The following PPP1R14A variants were observed in gnomAD, a reference collection of about 807,000 sequenced individuals.
The protein encoded by PPP1R14A is protein phosphatase 1 regulatory inhibitor subunit 14A.
In PPP1R14A, 9 loss-of-function variants were observed where a neutral mutation model predicts 14.1. The observed-to-expected ratio is 0.64, with a 90% confidence interval of 0.38 to 1.11. The LOEUF is 1.11. Ranked by LOEUF, PPP1R14A falls within the 50% of genes most tolerant of loss-of-function variation. PPP1R14A has a pLI of 0.01. For missense variants in PPP1R14A, 208 were observed against 200.7 expected, an observed-to-expected ratio of 1.04 and a Z score of -0.22; for synonymous variants, 93 against 88.7, an observed-to-expected ratio of 1.05 and a Z score of -0.27.
intron 1 of PPP1R14A, 158 bp from the exon 2 acceptor site, chr19:38,253,132 T>G: frequency 3.7e-5 from 21 of 565,880 alleles, no homozygotes; most frequent in Non-Finnish European, 4.7e-5. Flanking sequence ...ACGGGACATC[T>G]GGGTGTTGGG....
chr19:38,251,947 G>A (rs1256287085), intron 3 of PPP1R14A: 2 of 402,766 alleles, frequency 5.0e-6, no homozygotes, highest in East Asian at 4.3e-5. Flanking sequence ...TGGGAGGATG[G>A]AGGGCCCCCA....
Position 38,252,574 on chromosome 19 carries a change from T to A in PPP1R14A, c.283-236A>T, listed in dbSNP as rs1412966051. Among the ~76,000 whole-genome samples, 1 of 151,898 alleles carries A rather than the reference T, an allele frequency of 6.6e-6. No individual in the cohort carries two copies. The highest frequency in any genetic ancestry group is 1.5e-5 in the Non-Finnish European group (1 of 67,978). ...GCGAGAGGGTCACACAGCACTTCCC[T>A]CCTCTAAAAAGGTATAAGCCATAAG... On this transcript the variant is annotated intron_variant, in intron 2 of 3. Coordinates refer to ENST00000301242, the MANE Select transcript of PPP1R14A (RefSeq NM_033256.3). The surrounding 1 kb of genome is among the most constrained non-coding windows in gnomAD (Gnocchi z 4.1).
At chr19:38,254,815 C>T (rs866032545) in intron 1 of PPP1R14A, among the ~76,000 whole-genome samples, 50 of 152,118 alleles carry the variant, frequency 3.3e-4, no homozygotes, top group African/African-American at 1.0e-3. Flanking sequence ...GTTTTTGAGA[C>T]GGAGTTTCGC....
chr19:38,251,752 C>G (rs1378335085), intron 3 of PPP1R14A: 1 of 437,328 alleles, frequency 2.3e-6, no homozygotes, highest in South Asian at 4.8e-5. Flanking sequence ...GAGATAGAGA[C>G]AGAGAGAGAC....
At chr19:38,255,073 C>T (rs960545254) in intron 1 of PPP1R14A, among the ~76,000 whole-genome samples, 1 of 151,974 alleles carries the variant, frequency 6.6e-6, no homozygotes, top group Non-Finnish European at 1.5e-5. Flanking sequence ...CGTGAGCCAC[C>T]GTGCCCGGTG....
chr19:38,256,368 G>A lies in PPP1R14A; in HGVS notation c.-29C>T, dbSNP rs1464904025. On this transcript the variant is annotated 5_prime_UTR_variant, in exon 1 of 4. Transcript: ENST00000301242. The surrounding 1 kb of genome is among the most constrained non-coding windows in gnomAD (Gnocchi z 5.7). ...GCTGCTGGACCCAGCCTGGCCCCGC[G>A]CTGTGCGCCTTCGCCTCGCGCCCCG... is the stretch of plus-strand genomic sequence containing the variant. 3 of 1,394,360 alleles carry A rather than the reference G, an allele frequency of 2.2e-6. No individual in the cohort carries two copies. The highest frequency in any genetic ancestry group is 2.8e-6 in the Non-Finnish European group (3 of 1,081,586). The allele number at this position is 1,394,360 out of a possible 1,614,324, so 86.4% of individuals were successfully genotyped here. A position where few individuals can be genotyped will look rare whatever the true frequency, so the allele number is the denominator to read the frequency against.
At chr19:38,253,193 C>T (rs1354583218) in intron 1 of PPP1R14A, 14 of 517,860 alleles carry the variant, frequency 2.7e-5, no homozygotes, top group African/African-American at 1.2e-4. Context: ...TGTACCAGCC[C>T]GATGCCTGGG....
chr19:38,251,252 C>T lies in PPP1R14A; in HGVS notation c.*66G>A. 7.4e-6 allele frequency: 10 copies of T among 1,343,684 alleles called. No homozygotes were observed. Among genetic ancestry groups the T allele is most frequent in the Non-Finnish European group, 9.6e-6 (10 of 1,043,806 alleles). The allele number at this position is 1,343,684 out of a possible 1,614,324, so 83.2% of individuals were successfully genotyped here. ...CCACACAGTGTTATTGTTACAGAACCATTAAATACAACTTATACACAAGCA... is the reference window on the plus strand; with the variant it reads ...CCACACAGTGTTATTGTTACAGAACTATTAAATACAACTTATACACAAGCA... On this transcript the variant is annotated 3_prime_UTR_variant, in exon 4 of 4. Transcript: ENST00000301242.
At chr19:38,254,713 G>T (rs1968227436) in intron 1 of PPP1R14A, among the ~76,000 whole-genome samples, 1 of 152,226 alleles carries the variant, frequency 6.6e-6, no homozygotes, top group African/African-American at 2.4e-5. Flanking sequence ...TGTAGCTGTG[G>T]CTTAGGCTCT....
At chr19:38,255,090 C>T (rs1179737602) in intron 1 of PPP1R14A, among the ~76,000 whole-genome samples, 1 of 152,022 alleles carries the variant, frequency 6.6e-6, no homozygotes, top group Admixed American at 6.6e-5. Flanking sequence ...GGTGCTTACA[C>T]AGTTTTATGT....
In PPP1R14A at chr19:38,252,836, G is replaced by T; in HGVS notation, c.282+58C>A. Reference sequence around the variant, plus strand: ...GCACTCAGTAAACACGTGAACTATTGCTATTATTTTTAGGGAGGTGCAAAG... The same window carrying T: ...GCACTCAGTAAACACGTGAACTATTTCTATTATTTTTAGGGAGGTGCAAAG... On this transcript the variant is annotated intron_variant, in intron 2 of 3. Coordinates refer to ENST00000301242, the MANE Select transcript of PPP1R14A (RefSeq NM_033256.3). This position sits in a 1 kb window ranked among gnomAD's most constrained non-coding sequence, Gnocchi z 4.1. The T allele has an allele frequency of 8.2e-7, 1 of 1,216,398 alleles. No individual in the cohort carries two copies. The highest frequency in any genetic ancestry group is 1.2e-6 in the Non-Finnish European group (1 of 817,634). The allele number at this position is 1,216,398 out of a possible 1,614,324, so 75.4% of individuals were successfully genotyped here.
intron 1 of PPP1R14A, 67 bp from the exon 2 acceptor site, chr19:38,253,041 C>T: frequency 7.7e-7 from 1 of 1,303,868 alleles, no homozygotes; most frequent in Non-Finnish European, 1.1e-6. Flanking sequence ...GTCCAGGGCT[C>T]TGCAGGAGCC....
chr19:38,251,341 G>C lies in PPP1R14A; in HGVS notation c.421C>G (p.Arg141Gly). 1 of 1,533,046 alleles carries C rather than the reference G, an allele frequency of 6.5e-7. No individual in the cohort carries two copies. The highest frequency in any genetic ancestry group is 8.7e-7 in the Non-Finnish European group (1 of 1,151,966). The allele number at this position is 1,533,046 out of a possible 1,614,324, so 95.0% of individuals were successfully genotyped here. ...GGTCAGGGGTGAGCAGTCCGGGCCC[G>C]GTCCTGGAGGGGGCTGAGGCTGCCG... ...HDGSLSPLQD[R>G]ARTAHP The change falls in exon 4 of 4, where the codon CGG (arginine) becomes GGG (glycine). Residue 141 changes from arginine to glycine, a missense_variant. Physicochemically the swap from Arg to Gly is moderately radical, Grantham distance 125. Coordinates refer to ENST00000301242, the MANE Select transcript of PPP1R14A (RefSeq NM_033256.3).
In PPP1R14A at chr19:38,256,334, T is replaced by G; in HGVS notation, c.6A>C (p.Ala2=). 6.7e-7 allele frequency: 1 copy of G among 1,491,166 alleles called. No homozygotes were observed. The highest frequency in any genetic ancestry group is 8.9e-7 in the Non-Finnish European group (1 of 1,126,140). 92.4% of individuals were successfully genotyped at this position (1,491,166 alleles called of 1,614,324 possible). Residue 2 remains alanine (A), a synonymous_variant, in exon 1 of 4, where the codon GCA becomes GCC. Coordinates refer to ENST00000301242, the MANE Select transcript of PPP1R14A (RefSeq NM_033256.3). This position sits in a 1 kb window ranked among gnomAD's most constrained non-coding sequence, Gnocchi z 5.7. M[A]AQRLGKRVLS... is the part of the protein sequence containing the mutation. ...GCACGCGCTTGCCCAGCCGCTGAGC[T>G]GCCATCGCGCTGCTGGACCCAGCCT...
Position 38,251,387 on chromosome 19 carries a change from G to T in PPP1R14A, c.375C>A (p.Arg125=), listed in dbSNP as rs373471479. 5 of 1,561,190 alleles carry T rather than the reference G, an allele frequency of 3.2e-6. No individual in the cohort carries two copies. The highest frequency in any genetic ancestry group is 2.4e-5 in the East Asian group (1 of 40,974). Residue 125 remains arginine (R), a synonymous_variant, in exon 4 of 4, where the codon CGC becomes CGA. Transcript: ENST00000301242. ...LQGLHRQPGL[R]QPSPSHDGSL... is the part of the protein sequence containing the mutation. The stretch of plus-strand genomic sequence containing the variant: ...TGCCGTCGTGGGAGGGGCTTGGCTG[G>T]CGGAGGCCGGGCTGCCTGTGGAGGC...
intron 1 of PPP1R14A, chr19:38,253,241 T>A (rs1968211076): frequency 2.3e-6 from 1 of 438,708 alleles, no homozygotes; most frequent in Non-Finnish European, 4.1e-6. Context: ...GGCACGGGTC[T>A]CTCGCCTTGG....
At chr19:38,254,585 G>A (rs1228366128) in intron 1 of PPP1R14A, among the ~76,000 whole-genome samples, 6 of 152,020 alleles carry the variant, frequency 3.9e-5, no homozygotes, top group Admixed American at 1.3e-4. Flanking sequence ...GATTACAGGC[G>A]TGAGCCACTG....
chr19:38,255,285 G>A (rs1345145571), intron 1 of PPP1R14A, among the ~76,000 whole-genome samples: 2 of 151,908 alleles, frequency 1.3e-5, no homozygotes, highest in Non-Finnish European at 2.9e-5. Flanking sequence ...ATGCCACCAC[G>A]CCCGGCTAAG....
intron 1 of PPP1R14A, among the ~76,000 whole-genome samples, chr19:38,253,573 G>A (rs918853128): frequency 2.6e-5 from 4 of 152,122 alleles, no homozygotes; most frequent in East Asian, 3.9e-4. Context: ...TGCTAAGAGC[G>A]GGGCGCTGAG....
Sources: allele counts gnomAD v4.1 joint callset (sites outside exome capture counted in the v4.1 genomes callset), GRCh38; gene constraint gnomAD v4.1.1; non-coding constraint Gnocchi (gnomAD v3.1); transcripts MANE v1.5; gene names NCBI Gene and HGNC (gene_info 2026-07-23, HGNC 2026-07-21).